DIAPH3: variants seen among roughly 807,000 people sequenced by gnomAD.
The protein encoded by DIAPH3 is diaphanous related formin 3, also known as protein diaphanous homolog 3.
In DIAPH3, 117 loss-of-function variants were observed where a neutral mutation model predicts 144.3. The ratio of observed to expected loss-of-function variants is 0.81; its 90% CI spans 0.70 to 0.95. The LOEUF is 0.95. Among genes scored for constraint, DIAPH3 ranks in the 40% least tolerant of loss-of-function variants. The pLI, the probability that DIAPH3 is intolerant of heterozygous loss-of-function variation, is 0.00. For missense variants in DIAPH3, 1,421 were observed against 1,412.7 expected, an observed-to-expected ratio of 1.01 and a Z score of -0.09; for synonymous variants, 519 against 488.9, an observed-to-expected ratio of 1.06 and a Z score of -0.81.
chr13:60,111,977 C>T lies in DIAPH3; in HGVS notation c.390+33G>A, dbSNP rs780931498. Reference sequence around the variant, plus strand: ...CATGAGCAAAAGCTAAGGCTTTTTCCTCAAACATTTCCTAAAGAATCAAAA... The same window carrying T: ...CATGAGCAAAAGCTAAGGCTTTTTCTTCAAACATTTCCTAAAGAATCAAAA... On this transcript the variant is annotated intron_variant, in intron 3 of 27. Coordinates refer to ENST00000400324, the MANE Select transcript of DIAPH3 (RefSeq NM_001042517.2). 7 of 1,610,938 alleles carry T rather than the reference C, an allele frequency of 4.3e-6. No homozygotes were observed. The African/African-American group carries it at 5.3e-5, about 12-fold the overall frequency.
intron 5 of DIAPH3, among the ~76,000 whole-genome samples, chr13:60,032,663 C>T (rs1390120634): frequency 2.0e-5 from 3 of 152,332 alleles, no homozygotes; most frequent in South Asian, 2.1e-4. Flanking sequence ...AACTATTCTT[C>T]CCCAGGAGGC....
intron 21 of DIAPH3, among the ~76,000 whole-genome samples, chr13:59,871,790 C>G (rs1359194588): frequency 6.6e-6 from 1 of 152,154 alleles, no homozygotes; most frequent in African/African-American, 2.4e-5. Flanking sequence ...TTAATAGATT[C>G]AGATTATCCA....
rs1454587488 is a variant in DIAPH3 at position 59,916,316 on chromosome 13, C to A, written c.2171-67G>T. 13 of 1,180,936 alleles carry A rather than the reference C, an allele frequency of 1.1e-5. No individual in the cohort carries two copies. The Admixed American group carries it at 2.0e-4, about 18-fold the overall frequency. The allele number at this position is 1,180,936 out of a possible 1,614,324, so 73.2% of individuals were successfully genotyped here. On this transcript the variant is annotated intron_variant, in intron 18 of 27. Coordinates refer to ENST00000400324, the MANE Select transcript of DIAPH3 (RefSeq NM_001042517.2). The stretch of plus-strand genomic sequence containing the variant: ...TTAAAAAAGTATTTCAGATGTAGTT[C>A]TATTTATAAAATCAAAAATAAATTC...
chr13:60,124,729 C>T (rs771241922), intron 2 of DIAPH3, among the ~76,000 whole-genome samples: 13 of 151,928 alleles, frequency 8.6e-5, no homozygotes, highest in Non-Finnish European at 1.9e-4. Flanking sequence ...TGGTGTATGT[C>T]TGTAGTCCCA....
chr13:59,866,709 A>T (rs1161852644), intron 21 of DIAPH3, among the ~76,000 whole-genome samples: 3 of 152,130 alleles, frequency 2.0e-5, no homozygotes, highest in African/African-American at 7.2e-5. Context: ...AGGTATCTAT[A>T]AAGTTTAACC....
intron 21 of DIAPH3, among the ~76,000 whole-genome samples, chr13:59,871,694 T>C (rs1387949240): frequency 6.6e-6 from 1 of 152,198 alleles, no homozygotes; most frequent in East Asian, 1.9e-4. Context: ...ATTTCTTCCT[T>C]ACATGTTTGA....
At chr13:59,862,612 A>G (rs966357280) in intron 21 of DIAPH3, among the ~76,000 whole-genome samples, 8 of 152,140 alleles carry the variant, frequency 5.3e-5, no homozygotes, top group Admixed American at 3.9e-4. Flanking sequence ...CAAAGAAGAA[A>G]ATTGTTTTGG....
chr13:60,056,870 A>G (rs547377111), intron 4 of DIAPH3, among the ~76,000 whole-genome samples: 1 of 151,942 alleles, frequency 6.6e-6, no homozygotes, highest in African/African-American at 2.4e-5. Flanking sequence ...ACTAGATGGT[A>G]GTGCTAGTTG....
At chr13:60,053,735 A>G (rs73218503) in intron 4 of DIAPH3, among the ~76,000 whole-genome samples, 7,267 of 152,168 alleles carry the variant, frequency 0.048, 252 homozygotes, top group Admixed American at 0.097. Flanking sequence ...TATTCAATGT[A>G]TAAGAATACA....
chr13:59,979,362 G>A (rs2050856699), intron 14 of DIAPH3, among the ~76,000 whole-genome samples: 1 of 151,516 alleles, frequency 6.6e-6, no homozygotes, highest in Non-Finnish European at 1.5e-5. Context: ...TTCCTATGAA[G>A]AGTTAAAGTG....
chr13:59,879,509 G>A (rs780946621), intron 20 of DIAPH3, 41 bp from the exon 21 acceptor site: 11 of 1,611,998 alleles, frequency 6.8e-6, no homozygotes, highest in Non-Finnish European at 8.5e-6. Context: ...TAAAATGCAT[G>A]GTATAGTTTA....
intron 9 of DIAPH3, among the ~76,000 whole-genome samples, chr13:60,002,960 A>C (rs574055314): frequency 1.1e-4 from 17 of 152,320 alleles, no homozygotes; most frequent in Admixed American, 1.0e-3. Flanking sequence ...AAATAACAGA[A>C]GATTAAAGGA....
chr13:60,003,859 C>T (rs1004293158), intron 9 of DIAPH3, among the ~76,000 whole-genome samples: 1 of 152,124 alleles, frequency 6.6e-6, no homozygotes, highest in African/African-American at 2.4e-5. Flanking sequence ...GGATTACAGA[C>T]GTGGGCCACC....
intron 27 of DIAPH3, among the ~76,000 whole-genome samples, chr13:59,682,355 T>G (rs563193878): frequency 6.6e-6 from 1 of 152,340 alleles, no homozygotes; most frequent in African/African-American, 2.4e-5. Flanking sequence ...CAGGGTCTTG[T>G]CTGTCGCCCA....
rs139173767 is a variant in DIAPH3 at position 60,090,554 on chromosome 13, C to T, written c.495+3074G>A. ...AGCAATTCTAAGCCTAAAACCATAACAAAAGTATATCTTTTTTATCCTGTG... is the reference window on the plus strand; with the variant it reads ...AGCAATTCTAAGCCTAAAACCATAATAAAAGTATATCTTTTTTATCCTGTG... On this transcript the variant is annotated intron_variant, in intron 4 of 27. Transcript: ENST00000400324. 1.7e-3 allele frequency among the ~76,000 whole-genome samples: 256 copies of T among 152,230 alleles called. 1 individual carries two copies. Among genetic ancestry groups the T allele is most frequent in the South Asian group, 3.9e-3 (19 of 4,826 alleles).
Position 59,854,245 on chromosome 13 carries a change from C to T in DIAPH3, c.2737+7162G>A, listed in dbSNP as rs2043140260. ...GCATGGATGCTTCCTCCCCTGGAGT[C>T]TTCTGAAGATGCCAACCCTACTAAT... On this transcript the variant is annotated intron_variant, in intron 22 of 27. Transcript: ENST00000400324. Among the ~76,000 whole-genome samples the T allele has an allele frequency of 1.3e-5, 2 of 152,148 alleles. 1 individual carries two copies. The highest frequency in any genetic ancestry group is 4.1e-4 in the South Asian group (2 of 4,820).
intron 27 of DIAPH3, among the ~76,000 whole-genome samples, chr13:59,762,845 C>T (rs922075943): frequency 6.6e-6 from 1 of 152,016 alleles, no homozygotes; most frequent in Non-Finnish European, 1.5e-5. Context: ...GGCCTTGAGG[C>T]GTCTGTCTTA....
At chr13:60,047,538 C>T (rs974311663) in intron 4 of DIAPH3, among the ~76,000 whole-genome samples, 2 of 152,002 alleles carry the variant, frequency 1.3e-5, no homozygotes, top group Admixed American at 6.6e-5. Flanking sequence ...ATGATTTTCA[C>T]GAAAGTTGTC....
intron 19 of DIAPH3, among the ~76,000 whole-genome samples, chr13:59,913,912 C>T (rs1034634021): frequency 1.3e-5 from 2 of 151,726 alleles, no homozygotes; most frequent in African/African-American, 2.4e-5. Context: ...AAGCCGAGAT[C>T]GCACCATTGC....
Sources: allele counts gnomAD v4.1 joint callset (sites outside exome capture counted in the v4.1 genomes callset), GRCh38; gene constraint gnomAD v4.1.1; transcripts MANE v1.5; gene names NCBI Gene and HGNC (gene_info 2026-07-23, HGNC 2026-07-21).